AGBL1: variants seen among roughly 807,000 people sequenced by gnomAD.
AGBL1 encodes the protein cytosolic carboxypeptidase 4.
A neutral mutation model predicts 118.9 loss-of-function variants in AGBL1; 130 were observed. The observed-to-expected ratio is 1.09, with a 90% CI of 0.95 to 1.26. AGBL1 has a LOEUF of 1.26. AGBL1 is among the 50% of genes most tolerant of loss of function. The pLI is 0.00. For synonymous variants in AGBL1, 555 were observed against 478.9 expected (o/e 1.16, Z -2.08); for missense variants, 1,584 against 1,298.1 (o/e 1.22, Z -3.38).
intron 22 of AGBL1, among the ~76,000 whole-genome samples, chr15:86,812,804 T>C (rs1405611088): frequency 6.6e-6 from 1 of 152,136 alleles, no homozygotes; most frequent in East Asian, 1.9e-4. Context: ...GATAAAAACA[T>C]GAATGAACAC....
intron 18 of AGBL1, among the ~76,000 whole-genome samples, chr15:86,403,256 C>G (rs962548294): frequency 6.6e-6 from 1 of 152,088 alleles, no homozygotes; most frequent in African/African-American, 2.4e-5. Flanking sequence ...CAACACACAG[C>G]CTAACATTTT....
intron 20 of AGBL1, among the ~76,000 whole-genome samples, chr15:86,550,538 T>C (rs1195341587): frequency 6.6e-6 from 1 of 152,078 alleles, no homozygotes; most frequent in Non-Finnish European, 1.5e-5. Flanking sequence ...AAGGGTGCAA[T>C]TCATAATACT....
At chr15:86,534,594 G>A (rs2142226956) in intron 19 of AGBL1, among the ~76,000 whole-genome samples, 1 of 152,188 alleles carries the variant, frequency 6.6e-6, no homozygotes, top group East Asian at 1.9e-4. Flanking sequence ...CAGGTTTTCT[G>A]TCTCTTTTGT....
At chr15:86,544,137 A>G (rs1191149490) in intron 19 of AGBL1, among the ~76,000 whole-genome samples, 1 of 152,246 alleles carries the variant, frequency 6.6e-6, no homozygotes, top group East Asian at 1.9e-4. Flanking sequence ...AGCAAAACTT[A>G]GTGGCTTAAA....
intron 18 of AGBL1, among the ~76,000 whole-genome samples, chr15:86,475,467 G>C (rs909829050): frequency 1.4e-4 from 21 of 152,034 alleles, no homozygotes; most frequent in Non-Finnish European, 2.4e-4. Context: ...TGGAAGAAAG[G>C]GTATCAGTGA....
intron 18 of AGBL1, among the ~76,000 whole-genome samples, chr15:86,412,305 T>C (rs187314499): frequency 5.3e-5 from 8 of 152,322 alleles, no homozygotes; most frequent in African/African-American, 1.9e-4. Flanking sequence ...GCCAATCTAA[T>C]TTTATCCAAA....
At chr15:86,092,025 T>C (rs922155759) in intron 1 of AGBL1, among the ~76,000 whole-genome samples, 3 of 152,206 alleles carry the variant, frequency 2.0e-5, no homozygotes, top group African/African-American at 7.2e-5. Flanking sequence ...CTCTCTTGAA[T>C]CATCTATGAT....
In AGBL1 at chr15:86,670,650, G is replaced by A. The variant is rs10623081; in HGVS notation, c.2995-3623G>A. ...ACAAACACGCTGTGTGTGTGTGTGT[G>A]TATATATATATATAGCAAACTTATA... On this transcript the variant is annotated intron_variant, in intron 21 of 22. Coordinates refer to ENST00000614907, the MANE Select transcript of AGBL1 (RefSeq NM_001386094.1). Among the ~76,000 whole-genome samples the A allele has an allele frequency of 7.4e-3, 1,038 of 141,128 alleles. 18 individuals carry two copies. The highest frequency in any genetic ancestry group is 0.022 in the East Asian group (98 of 4,426). 92.6% of individuals were successfully genotyped at this position (141,128 alleles called of 152,430 possible). A position where few individuals can be genotyped will look rare whatever the true frequency, so the allele number is the denominator to read the frequency against.
intron 1 of AGBL1, among the ~76,000 whole-genome samples, chr15:86,099,042 A>G (rs906276085): frequency 3.9e-5 from 6 of 152,116 alleles, no homozygotes; most frequent in African/African-American, 1.4e-4. Flanking sequence ...TGAAGCCTTG[A>G]TACGCAACAT....
At chr15:86,827,479 ATATATGTGTG>A (rs1420511738) in intron 22 of AGBL1, among the ~76,000 whole-genome samples, 130 of 9,998 alleles carry the variant, frequency 0.013, 7 homozygotes, top group African/African-American at 0.053. Flanking sequence ...ACATATATAT[ATATATGTGTG>A]TATATATATA....
intron 22 of AGBL1, among the ~76,000 whole-genome samples, chr15:86,812,967 G>C (rs546530560): frequency 1.3e-5 from 2 of 152,184 alleles, no homozygotes; most frequent in East Asian, 3.9e-4. Flanking sequence ...GAAAGAAAAG[G>C]CTTTACAGGT....
intron 22 of AGBL1, among the ~76,000 whole-genome samples, chr15:86,875,233 G>A (rs1294604061): frequency 6.6e-6 from 1 of 152,124 alleles, no homozygotes; most frequent in African/African-American, 2.4e-5. Context: ...CTCAGGGCAG[G>A]CACTTCATCA....
intron 22 of AGBL1, among the ~76,000 whole-genome samples, chr15:86,706,279 T>A (rs1458717070): frequency 6.6e-6 from 1 of 151,896 alleles, no homozygotes; most frequent in African/African-American, 2.4e-5. Context: ...TTTTGAAAAA[T>A]CCCAAGGGGT....
intron 18 of AGBL1, among the ~76,000 whole-genome samples, chr15:86,460,282 G>T (rs964516660): frequency 4.6e-5 from 5 of 108,028 alleles, no homozygotes; most frequent in African/African-American, 1.8e-4. Context: ...AGGAGTTCCA[G>T]ATCAACCTGG....
At chr15:86,203,645 T>G (rs918878050) in intron 5 of AGBL1, among the ~76,000 whole-genome samples, 1 of 152,232 alleles carries the variant, frequency 6.6e-6, no homozygotes, top group African/African-American at 2.4e-5. Flanking sequence ...ACCTTTACTC[T>G]GTTTAATCTG....
Position 86,400,666 on chromosome 15 carries a change from C to A in AGBL1, c.2555+3120C>A, listed in dbSNP as rs150124969. Among the ~76,000 whole-genome samples the A allele has an allele frequency of 1.5e-3, 223 of 150,790 alleles. 4 individuals carry two copies. The East Asian group carries it at 0.034, about 23-fold the overall frequency. On this transcript the variant is annotated intron_variant, in intron 18 of 22. Transcript: ENST00000614907. ...GTATATCATTCTCATGTCTTTGCAT[C>A]CTCATAGCTTAGCTCCCACTTACAA...
rs142583171 is a variant in AGBL1, at chr15:86,334,234, A to G, written c.2374+38826A>G. Among the ~76,000 whole-genome samples, 326 of 152,246 alleles carry G rather than the reference A, an allele frequency of 2.1e-3. 2 individuals are homozygous for G. The highest frequency in any genetic ancestry group is 7.5e-3 in the African/African-American group (313 of 41,552). On this transcript the variant is annotated intron_variant, in intron 17 of 22. Transcript: ENST00000614907. ...AAATAGGAAAAAAAGAAGTCAAACT[A>G]TCTCTCTTCACTTTTGATTCTATAC...
chr15:86,355,195 T>C (rs1398697447), intron 17 of AGBL1, among the ~76,000 whole-genome samples: 1 of 152,238 alleles, frequency 6.6e-6, no homozygotes, highest in African/African-American at 2.4e-5. Flanking sequence ...TGTCATAATT[T>C]GTTATGGCAG....
intron 24 of AGBL1, among the ~76,000 whole-genome samples, chr15:87,007,520 A>G (rs2081517142): frequency 6.6e-6 from 1 of 152,210 alleles, no homozygotes; most frequent in Non-Finnish European, 1.5e-5. Flanking sequence ...TTTTCTTGAT[A>G]CAAATATATT....
Sources: gnomAD v4.1 joint callset for allele counts (sites outside exome capture counted in the v4.1 genomes callset) on GRCh38, gnomAD v4.1.1 for gene constraint, MANE v1.5 for transcripts, NCBI Gene and HGNC (gene_info 2026-07-23, HGNC 2026-07-21) for gene names.